THSD7B: variants seen among roughly 807,000 people sequenced by gnomAD.
THSD7B encodes thrombospondin type 1 domain containing 7B.
THSD7B carries 138 observed loss-of-function variants against 213.6 expected under a neutral mutation model. The observed-to-expected ratio is 0.65, with a 90% CI of 0.56 to 0.74. THSD7B has a LOEUF of 0.74. Ranked by LOEUF, THSD7B falls within the 30% of genes least tolerant of loss-of-function variation. The pLI, the probability that THSD7B is intolerant of heterozygous loss-of-function variation, is 0.00. For synonymous variants in THSD7B, 742 were observed against 687.0 expected, an observed-to-expected ratio of 1.08 and a Z score of -1.25; for missense variants, 1,931 against 1,991.5, an observed-to-expected ratio of 0.97 and a Z score of 0.58.
intron 10 of THSD7B, among the ~76,000 whole-genome samples, chr2:137,254,471 G>A (rs1205594744): frequency 1.3e-5 from 2 of 152,116 alleles, no homozygotes; most frequent in Non-Finnish European, 2.9e-5. Flanking sequence ...CTTTTGAGTG[G>A]ATGTTTGATT....
intron 4 of THSD7B, among the ~76,000 whole-genome samples, chr2:137,095,363 G>A (rs940403675): frequency 1.3e-5 from 2 of 152,134 alleles, no homozygotes; most frequent in African/African-American, 4.8e-5. Context: ...CTTAATTAGA[G>A]TGCCTTAGTT....
intron 15 of THSD7B, among the ~76,000 whole-genome samples, chr2:137,559,600 C>T (rs1025687488): frequency 6.6e-6 from 1 of 152,124 alleles, no homozygotes; most frequent in African/African-American, 2.4e-5. Context: ...AGACCTAAAA[C>T]CATGAAAACC....
chr2:136,775,750 A>C (rs1030186952), intron 1 of THSD7B, among the ~76,000 whole-genome samples: 1 of 152,126 alleles, frequency 6.6e-6, no homozygotes, highest in East Asian at 1.9e-4. Context: ...TAGAAATGCT[A>C]TATAAGCTGC....
At chr2:137,653,779 T>G (rs956322705) in intron 21 of THSD7B, among the ~76,000 whole-genome samples, 3 of 149,522 alleles carry the variant, frequency 2.0e-5, no homozygotes, top group Non-Finnish European at 4.5e-5. Flanking sequence ...AAATTATTAT[T>G]TCAAACTGTT....
intron 15 of THSD7B, among the ~76,000 whole-genome samples, chr2:137,555,982 A>T (rs574833661): frequency 6.6e-6 from 1 of 152,312 alleles, no homozygotes; most frequent in Non-Finnish European, 1.5e-5. Flanking sequence ...GCGAGAAGAG[A>T]AGTTTAGAGA....
Position 136,891,006 on chromosome 2 carries a change from AT to A in THSD7B, c.139+8697del, listed in dbSNP as rs527404872. On this transcript the variant is annotated intron_variant, in intron 2 of 27. Transcript: ENST00000409968. Reference sequence around the variant, plus strand: ...TTTGTATATTTATTTTAATGTCTAAATTTTTTTTCTACTTCATCTTTTAACT... The same window carrying A: ...TTTGTATATTTATTTTAATGTCTAAATTTTTTTCTACTTCATCTTTTAACT... Among the ~76,000 whole-genome samples the A allele has an allele frequency of 3.3e-3, 491 of 150,616 alleles. 3 individuals are homozygous for A. The highest frequency in any genetic ancestry group is 4.7e-3 in the Non-Finnish European group (316 of 67,596).
At chr2:136,924,149 C>T (rs1684483617) in intron 2 of THSD7B, among the ~76,000 whole-genome samples, 1 of 152,098 alleles carries the variant, frequency 6.6e-6, no homozygotes, top group African/African-American at 2.4e-5. Flanking sequence ...CCTGCTCTGT[C>T]ACCAAGGGTG....
intron 2 of THSD7B, among the ~76,000 whole-genome samples, chr2:136,899,389 T>C (rs1440581534): frequency 6.6e-6 from 1 of 152,248 alleles, no homozygotes; most frequent in Non-Finnish European, 1.5e-5. Context: ...TTCTTAAATG[T>C]GATTTTAAAA....
chr2:136,890,395 C>CTTCT (rs1558840037), intron 2 of THSD7B, among the ~76,000 whole-genome samples: 2 of 526 alleles, frequency 3.8e-3, no homozygotes, highest in African/African-American at 7.5e-3. Flanking sequence ...CTTCCTCTTC[C>CTTCT]TCTTCCTCTT....
chr2:137,360,443 G>A (rs1490240913), intron 12 of THSD7B, among the ~76,000 whole-genome samples: 1 of 152,076 alleles, frequency 6.6e-6, no homozygotes, highest in Non-Finnish European at 1.5e-5. Context: ...AGGGGTTGGG[G>A]GATTTCCCTT....
chr2:137,621,685 G>C (rs1312268972), intron 20 of THSD7B, among the ~76,000 whole-genome samples: 3 of 152,178 alleles, frequency 2.0e-5, no homozygotes, highest in Admixed American at 1.3e-4. Flanking sequence ...TATATCATAA[G>C]GTAGATGTCA....
At chr2:136,907,682 C>G (rs73957711) in intron 2 of THSD7B, among the ~76,000 whole-genome samples, 2,492 of 152,284 alleles carry the variant, frequency 0.016, 63 homozygotes, top group African/African-American at 0.056. Flanking sequence ...TACTAAAAAT[C>G]TACAAAGTCT....
chr2:137,534,043 C>G (rs1369974395), intron 15 of THSD7B, among the ~76,000 whole-genome samples: 2 of 150,268 alleles, frequency 1.3e-5, no homozygotes, highest in South Asian at 2.1e-4. Flanking sequence ...CACACACACA[C>G]AGACTTCCTT....
intron 10 of THSD7B, among the ~76,000 whole-genome samples, chr2:137,260,845 C>G (rs1351771465): frequency 6.6e-6 from 1 of 152,182 alleles, no homozygotes; most frequent in Non-Finnish European, 1.5e-5. Flanking sequence ...GCTAATGTCT[C>G]CATCTTCTCA....
intron 1 of THSD7B, 128 bp from the exon 2 acceptor site, chr2:136,882,016 T>C: frequency 1.8e-6 from 1 of 541,334 alleles, no homozygotes; most frequent in Non-Finnish European, 2.9e-6. Context: ...GGGTTGATAT[T>C]ATATGTACTA....
intron 3 of THSD7B, among the ~76,000 whole-genome samples, chr2:137,068,537 C>T (rs1687421356): frequency 6.6e-6 from 1 of 152,082 alleles, no homozygotes. Flanking sequence ...ACTATGTTGG[C>T]ATACTCTACC....
chr2:137,152,535 A>G (rs1340099269), intron 5 of THSD7B, among the ~76,000 whole-genome samples: 1 of 152,242 alleles, frequency 6.6e-6, no homozygotes, highest in African/African-American at 2.4e-5. Flanking sequence ...GTAAAAATAG[A>G]AATGATAATT....
At chr2:137,072,479 C>A (rs998861969) in intron 3 of THSD7B, among the ~76,000 whole-genome samples, 8 of 152,084 alleles carry the variant, frequency 5.3e-5, no homozygotes, top group African/African-American at 1.9e-4. Flanking sequence ...GCTGAAGTTG[C>A]TTATCAGCTT....
At chr2:137,151,024 G>T (rs1234127273) in intron 5 of THSD7B, among the ~76,000 whole-genome samples, 1 of 152,152 alleles carries the variant, frequency 6.6e-6, no homozygotes, top group Non-Finnish European at 1.5e-5. Context: ...GTGAATCAGT[G>T]AGTGAGTCCT....
Sources: allele counts gnomAD v4.1 joint callset (sites outside exome capture counted in the v4.1 genomes callset), GRCh38; gene constraint gnomAD v4.1.1; transcripts MANE v1.5; gene names NCBI Gene and HGNC (gene_info 2026-07-23, HGNC 2026-07-21).